MLLT10: variants seen among roughly 807,000 people sequenced by gnomAD.
The protein encoded by MLLT10 is protein AF-10.
Under a neutral mutation model 129.1 loss-of-function variants are expected in MLLT10, and 30 were observed. The ratio of observed to expected loss-of-function variants is 0.23; its 90% confidence interval spans 0.17 to 0.32. MLLT10 has a LOEUF of 0.32. Ranked by LOEUF, MLLT10 falls within the 10% of genes least tolerant of loss-of-function variation. The pLI is 1.00. For synonymous variants in MLLT10, 490 were observed against 446.4 expected (o/e 1.10, Z -1.23); for missense variants, 1,119 against 1,268.3 (o/e 0.88, Z 1.79).
chr10:21,681,367 C>T lies in MLLT10; in HGVS notation c.1657C>T (p.Pro553Ser). The change falls in exon 12 of 23, where the codon CCA becomes TCA. Residue 553 changes from proline (P) to serine (S), a missense_variant. This residue lies in a region of MLLT10 where 1,004 missense variants were observed against 1,008.7 expected (regional missense o/e 1.00). Coordinates refer to ENST00000307729, the MANE Select transcript of MLLT10 (RefSeq NM_001195626.3). ...GCAGTATCGGCATGATGGAGCTTGC[C>T]CAACAACTAGTAAGTTGTCAAACTG... ...SMQYRHDGACPTTTFSELLNA... is the reference protein window; with the variant it reads ...SMQYRHDGACSTTTFSELLNA... 1 of 1,611,198 alleles carries T rather than the reference C, an allele frequency of 6.2e-7. No homozygotes were observed. The highest frequency in any genetic ancestry group is 2.2e-5 in the East Asian group (1 of 44,670).
At chr10:21,641,553 G>A (rs998227769) in intron 8 of MLLT10, among the ~76,000 whole-genome samples, 8 of 152,322 alleles carry the variant, frequency 5.3e-5, no homozygotes, top group Non-Finnish European at 1.2e-4. Flanking sequence ...CTACTCCGGA[G>A]GCTGAGGTGG....
chr10:21,665,329 C>G (rs1022374771), intron 9 of MLLT10, among the ~76,000 whole-genome samples: 3 of 146,068 alleles, frequency 2.1e-5, no homozygotes, highest in Non-Finnish European at 4.5e-5. Context: ...ACTCTTGTTG[C>G]CCAGGCTGGA....
intron 22 of MLLT10, among the ~76,000 whole-genome samples, chr10:21,741,277 C>T (rs1168402093): frequency 6.6e-6 from 1 of 152,002 alleles, no homozygotes; most frequent in Non-Finnish European, 1.5e-5. Context: ...TATTTTTTCC[C>T]CCCCAGTGTT....
intron 13 of MLLT10, among the ~76,000 whole-genome samples, chr10:21,709,603 A>G (rs892139191): frequency 2.9e-4 from 44 of 152,362 alleles, no homozygotes; most frequent in African/African-American, 8.9e-4. Context: ...TGAATTATCT[A>G]TGGAGTAGCA....
chr10:21,555,527 C>G (rs949018599), intron 3 of MLLT10, among the ~76,000 whole-genome samples: 1 of 151,924 alleles, frequency 6.6e-6, no homozygotes, highest in African/African-American at 2.4e-5. Context: ...CTGGCTGATA[C>G]TTTAATTGGA....
intron 3 of MLLT10, chr10:21,551,754 CTT>C (rs762686460): frequency 8.3e-3 from 2,773 of 334,546 alleles, no homozygotes; most frequent in South Asian, 0.013. Context: ...TGTGTTTAGA[CTT>C]TTTTTTTTTT....
chr10:21,720,465 A>G (rs1009826774), intron 14 of MLLT10, among the ~76,000 whole-genome samples: 1 of 152,238 alleles, frequency 6.6e-6, no homozygotes, highest in Admixed American at 6.5e-5. Context: ...TCTGGAGAAT[A>G]TGTGAACCTT....
At chr10:21,564,965 C>T (rs533722853) in intron 3 of MLLT10, among the ~76,000 whole-genome samples, 1 of 152,042 alleles carries the variant, frequency 6.6e-6, no homozygotes, top group South Asian at 2.1e-4. Flanking sequence ...ACAGTTATTA[C>T]AGAGAAATAT....
At chr10:21,674,713 G>A (rs917416326) in intron 11 of MLLT10, among the ~76,000 whole-genome samples, 5 of 151,996 alleles carry the variant, frequency 3.3e-5, no homozygotes, top group Non-Finnish European at 7.4e-5. Flanking sequence ...ATTTCATCTT[G>A]AATTTAAGAT....
chr10:21,713,244 A>G (rs1369352127), intron 13 of MLLT10, among the ~76,000 whole-genome samples: 2 of 152,192 alleles, frequency 1.3e-5, no homozygotes, highest in Admixed American at 6.5e-5. Context: ...CTTTATTCCC[A>G]CACCTGTCTC....
chr10:21,596,232 TTGCTTATAGTATA>T (rs756696648), intron 5 of MLLT10, among the ~76,000 whole-genome samples: 29 of 152,292 alleles, frequency 1.9e-4, no homozygotes, highest in Admixed American at 1.1e-3. Context: ...CTGTGTATTT[TTGCTTATAGTATA>T]TGCTTACAAA....
At chr10:21,640,260 ATATATAT>A (rs927534365) in intron 8 of MLLT10, among the ~76,000 whole-genome samples, 1 of 143,776 alleles carries the variant, frequency 7.0e-6, no homozygotes, top group African/African-American at 2.5e-5. Context: ...ATATTACATA[ATATATAT>A]TATATTGTAT....
intron 13 of MLLT10, among the ~76,000 whole-genome samples, chr10:21,704,100 C>A (rs142410831): frequency 4.7e-5 from 7 of 147,460 alleles, no homozygotes; most frequent in Non-Finnish European, 1.0e-4. Flanking sequence ...GCCTCTGCCC[C>A]CTAGGTTCAA....
In MLLT10 at chr10:21,743,152, C is replaced by A. The variant is rs1833887599; in HGVS notation, c.*1169C>A. On this transcript the variant is annotated 3_prime_UTR_variant, in exon 23 of 23. Transcript: ENST00000307729. Reference sequence around the variant, plus strand: ...GTGATTCCCCCACTGAGGATGTCATCATCAAACTCTTCTTTGGTGTGTGAA... The same window carrying A: ...GTGATTCCCCCACTGAGGATGTCATAATCAAACTCTTCTTTGGTGTGTGAA... The A allele has an allele frequency of 4.3e-6, 1 of 230,044 alleles. No individual in the cohort carries two copies. Among genetic ancestry groups the A allele is most frequent in the Non-Finnish European group, 8.6e-6 (1 of 115,840 alleles). The allele number at this position is 230,044 out of a possible 1,614,324, so 14.3% of individuals were successfully genotyped here.
intron 3 of MLLT10, among the ~76,000 whole-genome samples, chr10:21,559,419 A>G (rs2038508508): frequency 6.6e-6 from 1 of 152,226 alleles, no homozygotes; most frequent in Non-Finnish European, 1.5e-5. Flanking sequence ...TTTTGAATCC[A>G]TGAACATGGT....
chr10:21,595,811 A>G (rs911094117), intron 5 of MLLT10, among the ~76,000 whole-genome samples: 3 of 152,066 alleles, frequency 2.0e-5, no homozygotes, highest in African/African-American at 7.2e-5. Flanking sequence ...TGTATCATAC[A>G]TTCTTTTTTG....
At chr10:21,587,954 A>T (rs1320626652) in intron 4 of MLLT10, among the ~76,000 whole-genome samples, 1 of 152,198 alleles carries the variant, frequency 6.6e-6, no homozygotes, top group Non-Finnish European at 1.5e-5. Flanking sequence ...GTGAATAAAG[A>T]CTTATTTACT....
chr10:21,707,719 C>G (rs1589748315), intron 13 of MLLT10, among the ~76,000 whole-genome samples: 1 of 152,216 alleles, frequency 6.6e-6, no homozygotes. Flanking sequence ...TGTCTTCCTA[C>G]TGATCTTAGC....
chr10:21,713,030 A>G (rs1388853924), intron 13 of MLLT10, among the ~76,000 whole-genome samples: 2 of 152,134 alleles, frequency 1.3e-5, no homozygotes, highest in African/African-American at 4.8e-5. Flanking sequence ...TTTTATCCCC[A>G]TGGTGCCTCT....
Sources: gnomAD v4.1 joint callset for allele counts (sites outside exome capture counted in the v4.1 genomes callset) on GRCh38, gnomAD v4.1.1 for gene constraint, gnomAD v4.1.1 regional missense constraint, MANE v1.5 for transcripts, NCBI Gene and HGNC (gene_info 2026-07-23, HGNC 2026-07-21) for gene names.